The following DECR2 variants were observed in gnomAD, a reference collection of about 807,000 sequenced individuals.
DECR2 encodes peroxisomal 2,4-dienoyl-CoA reductase [(3E)-enoyl-CoA-producing].
A neutral mutation model predicts 29.2 loss-of-function variants in DECR2; 34 were observed. The observed-to-expected ratio is 1.16, with a 90% CI of 0.89 to 1.55. DECR2 has a LOEUF of 1.55. DECR2 is among the 40% of genes most tolerant of loss of function. DECR2 has a pLI of 0.00. For missense variants in DECR2, 485 were observed against 425.3 expected (o/e 1.14, Z -1.23); for synonymous variants, 224 against 182.7 (o/e 1.23, Z -1.82).
intron 2 of DECR2, 112 bp from the exon 3 acceptor site, chr16:406,234 C>T (rs2054721893): frequency 2.0e-6 from 2 of 987,584 alleles, no homozygotes; most frequent in South Asian, 1.5e-5. Flanking sequence ...CCAGCTGGGC[C>T]TTCAGCCTGG....
intron 7 of DECR2, 118 bp downstream of exon 7, chr16:411,194 G>A: frequency 1.6e-6 from 2 of 1,216,982 alleles, no homozygotes; most frequent in Non-Finnish European, 2.2e-6. Flanking sequence ...TGGTTCCATG[G>A]TGGCAACTAT....
chr16:404,379 C>G (rs1218760075), intron 1 of DECR2, among the ~76,000 whole-genome samples: 2 of 150,572 alleles, frequency 1.3e-5, no homozygotes, highest in Non-Finnish European at 3.0e-5. Flanking sequence ...GCTGGGATTA[C>G]AGGCATGCAC....
rs1305385553 is a variant in DECR2 at position 401,903 on chromosome 16, C to G, written c.-61C>G. 41 of 1,391,234 alleles carry G rather than the reference C, an allele frequency of 2.9e-5. No homozygotes were observed. The highest frequency in any genetic ancestry group is 2.6e-5 in the Non-Finnish European group (28 of 1,065,874). The allele number at this position is 1,391,234 out of a possible 1,614,324, so 86.2% of individuals were successfully genotyped here. Reference sequence around the variant, plus strand: ...TCCAGGCGAGTTCGCAGCTGCGCGCCGGGTCCTGGAGGCCGAGGCCGCTCC... The same window carrying G: ...TCCAGGCGAGTTCGCAGCTGCGCGCGGGGTCCTGGAGGCCGAGGCCGCTCC... On this transcript the variant is annotated 5_prime_UTR_variant, in exon 1 of 9. Coordinates refer to ENST00000219481, the MANE Select transcript of DECR2 (RefSeq NM_020664.4).
At chr16:406,260 TGA>T in intron 2 of DECR2, 84 bp from the exon 3 acceptor site, 3 of 1,441,138 alleles carry the variant, frequency 2.1e-6, no homozygotes, top group Non-Finnish European at 2.9e-6. Context: ...TACTTCCGCC[TGA>T]GAGACTCCTG....
At position 411,463 on chromosome 16, in the gene DECR2, C is replaced by A. The variant is rs1280650539; in HGVS notation, c.764C>A (p.Pro255His). 4 of 1,613,904 alleles carry A rather than the reference C, an allele frequency of 2.5e-6. No homozygotes were observed. Among genetic ancestry groups the A allele is most frequent in the Non-Finnish European group, 3.4e-6 (4 of 1,180,024 alleles). Residue 255 changes from proline to histidine, a missense_variant, in exon 8 of 9, where the codon CCT becomes CAT. Coordinates refer to ENST00000219481, the MANE Select transcript of DECR2 (RefSeq NM_020664.4). ...IAHSVLYLAS[P>H]LASYVTGAVL... ...CACAGCGTGCTCTACCTGGCCAGCC[C>A]TCTGGCTTCCTACGTGACGGGGGCC...
chr16:405,106 T>G (rs745469298), intron 2 of DECR2, 82 bp downstream of exon 2: 2 of 1,544,266 alleles, frequency 1.3e-6, no homozygotes, highest in Non-Finnish European at 1.8e-6. Flanking sequence ...TGGAAAGATG[T>G]TGGTGGGAGG....
At position 410,083 on chromosome 16, in the gene DECR2, T is replaced by C; in HGVS notation, c.338-160T>C. ...AGTGCAGCCAGGACGCCCGTCTTGCTCTGGTCATTTTGGAATTTATCCTAG... is the reference window on the plus strand; with the variant it reads ...AGTGCAGCCAGGACGCCCGTCTTGCCCTGGTCATTTTGGAATTTATCCTAG... On this transcript the variant is annotated intron_variant, in intron 4 of 8. Coordinates refer to ENST00000219481, the MANE Select transcript of DECR2 (RefSeq NM_020664.4). This position sits in a 1 kb window ranked among gnomAD's most constrained non-coding sequence, Gnocchi z 4.1. 1.9e-6 allele frequency: 2 copies of C among 1,067,494 alleles called. No homozygotes were observed. The highest frequency in any genetic ancestry group is 2.6e-6 in the Non-Finnish European group (2 of 761,570). 66.1% of individuals were successfully genotyped at this position (1,067,494 alleles called of 1,614,324 possible). A position where few individuals can be genotyped will look rare whatever the true frequency, so the allele number is the denominator to read the frequency against.
intron 1 of DECR2, chr16:403,136 T>C (rs1467489387): frequency 1.7e-6 from 1 of 587,734 alleles, no homozygotes; most frequent in African/African-American, 2.0e-5. Flanking sequence ...TTCTCCTGCT[T>C]CAGCCTCAGT....
At chr16:411,710 GC>G in intron 8 of DECR2, 132 bp downstream of exon 8, 1 of 985,872 alleles carries the variant, frequency 1.0e-6, no homozygotes, top group Non-Finnish European at 1.5e-6. Flanking sequence ...GCGCCAGCCT[GC>G]CCACACATGG....
rs975672034 is a variant in DECR2, at chr16:410,158, C to T, written c.338-85C>T. The T allele has an allele frequency of 1.9e-6, 3 of 1,542,390 alleles. No homozygotes were observed. In the African/African-American group the frequency reaches 4.1e-5, roughly 21 times the overall value. On this transcript the variant is annotated intron_variant, in intron 4 of 8. Transcript: ENST00000219481. This position sits in a 1 kb window ranked among gnomAD's most constrained non-coding sequence, Gnocchi z 4.1. ...CAGGGCACCTGGGCTCCCTCCTGCA[C>T]CCTCCGCTCTGCCCACCTGGCCACC...
chr16:410,350 T>G lies in DECR2; in HGVS notation c.445T>G (p.Tyr149Asp). 6.2e-7 allele frequency: 1 copy of G among 1,609,834 alleles called. No individual in the cohort carries two copies. The highest frequency in any genetic ancestry group is 8.5e-7 in the Non-Finnish European group (1 of 1,177,042). ...CACCTTCAATGTGTCTCGTGTGCTC[T>G]ATGAGAAGTTCTTCCGGGTGGGTGC... is the stretch of plus-strand genomic sequence containing the variant. ...SGTFNVSRVLYEKFFRDHGGV... is the reference protein window; with the variant it reads ...SGTFNVSRVLDEKFFRDHGGV... The change falls in exon 5 of 9, where the codon TAT (tyrosine) becomes GAT (aspartate). Residue 149 changes from tyrosine (Y) to aspartate (D), a missense_variant. Tyr to Asp is a radical substitution (Grantham distance 160). Transcript: ENST00000219481. This position sits in a 1 kb window ranked among gnomAD's most constrained non-coding sequence, Gnocchi z 4.1.
intron 1 of DECR2, 126 bp downstream of exon 1, chr16:402,169 T>A: frequency 4.0e-6 from 3 of 748,496 alleles, no homozygotes; most frequent in Non-Finnish European, 3.7e-6. Context: ...CCTTTCTTTC[T>A]TTTTTCTTTC....
At chr16:411,303 G>C (rs1291915637) in intron 7 of DECR2, 58 bp from the exon 8 acceptor site, 5 of 1,511,274 alleles carry the variant, frequency 3.3e-6, no homozygotes, top group African/African-American at 1.4e-5. Context: ...AGCTGGGGGA[G>C]AGGGGAGGGT....
At chr16:405,484 G>C (rs993084610) in intron 2 of DECR2, 2 of 1,278,986 alleles carry the variant, frequency 1.6e-6, no homozygotes, top group Admixed American at 2.5e-5. Context: ...GAAGAGATAT[G>C]GCCTTTCCAC....
Position 411,512 on chromosome 16 carries a change from A to G in DECR2, c.813A>G (p.Ala271=), listed in dbSNP as rs1388243534. The G allele has an allele frequency of 1.2e-6, 2 of 1,613,890 alleles. No homozygotes were observed. Among genetic ancestry groups the G allele is most frequent in the East Asian group, 2.2e-5 (1 of 44,884 alleles). The change falls in exon 8 of 9, where the codon GCA becomes GCG. Residue 271 remains alanine (A), a synonymous_variant. Coordinates refer to ENST00000219481, the MANE Select transcript of DECR2 (RefSeq NM_020664.4). ...TGAVLVADGG[A]WLTFPNGVKG... ...CCGTGCTGGTGGCCGATGGCGGGGCATGGTTGACGTTCCCAAACGGTGTCA... is the reference window on the plus strand; with the variant it reads ...CCGTGCTGGTGGCCGATGGCGGGGCGTGGTTGACGTTCCCAAACGGTGTCA...
At chr16:404,795 G>T (rs2054705608) in intron 1 of DECR2, among the ~76,000 whole-genome samples, 161 bp from the exon 2 acceptor site, 1 of 151,854 alleles carries the variant, frequency 6.6e-6, no homozygotes, top group African/African-American at 2.4e-5. Context: ...ACGCCCAGCT[G>T]ATTTTTGTAT....
intron 4 of DECR2, 80 bp downstream of exon 4, chr16:407,640 G>C (rs2054742432): frequency 6.4e-7 from 1 of 1,566,406 alleles, no homozygotes; most frequent in Admixed American, 1.8e-5. Context: ...CTGGTCATGG[G>C]GTGGGGACCA....
intron 2 of DECR2, chr16:405,291 G>C (rs990046516): frequency 1.7e-5 from 10 of 589,088 alleles, no homozygotes; most frequent in Non-Finnish European, 3.0e-5. Context: ...GCTGTGTCGG[G>C]CCCCAGTGCT....
chr16:409,800 C>T (rs113814820), intron 4 of DECR2: 2,866 of 159,450 alleles, frequency 0.018, 89 homozygotes, highest in African/African-American at 0.063. Context: ...TGCGTGGCTT[C>T]GGGTACTGCC....
Sources: allele counts gnomAD v4.1 joint callset (sites outside exome capture counted in the v4.1 genomes callset), GRCh38; gene constraint gnomAD v4.1.1; non-coding constraint Gnocchi (gnomAD v3.1); transcripts MANE v1.5; gene names NCBI Gene and HGNC (gene_info 2026-07-23, HGNC 2026-07-21).